The following FBXL17 variants were observed in gnomAD, a reference collection of about 807,000 sequenced individuals.
FBXL17 encodes F-box and leucine rich repeat protein 17.
FBXL17 carries 22 observed loss-of-function variants against 66.2 expected under a neutral mutation model. That is an observed-to-expected ratio of 0.33 (90% CI 0.24 to 0.47). The LOEUF is 0.47. Ranked by LOEUF, FBXL17 falls within the 20% of genes least tolerant of loss-of-function variation. The pLI is 1.00. For missense variants in FBXL17, 878 were observed against 948.2 expected, an observed-to-expected ratio of 0.93 and a Z score of 0.97; for synonymous variants, 474 against 400.5, an observed-to-expected ratio of 1.18 and a Z score of -2.19.
chr5:108,085,986 T>C lies in FBXL17; in HGVS notation c.1746-64985A>G, dbSNP rs573443804. ...GCCTTAGAAGCAAGGTCTTTCTGAC[T>C]TTCTTCCCTTCTCATATCCCCTGCC... On this transcript the variant is annotated intron_variant, in intron 6 of 8. Transcript: ENST00000542267. Among the ~76,000 whole-genome samples the C allele has an allele frequency of 2.2e-4, 33 of 152,228 alleles. No homozygotes were observed. In the South Asian group the frequency reaches 6.7e-3, roughly 31 times the overall value.
intron 4 of FBXL17, among the ~76,000 whole-genome samples, chr5:108,244,334 T>C (rs571390005): frequency 6.6e-6 from 1 of 152,286 alleles, no homozygotes; most frequent in African/African-American, 2.4e-5. Context: ...AAAGGAAATT[T>C]AAGTTTATAT....
intron 4 of FBXL17, among the ~76,000 whole-genome samples, chr5:108,288,195 T>C (rs1757973472): frequency 6.6e-6 from 1 of 151,756 alleles, no homozygotes; most frequent in African/African-American, 2.4e-5. Flanking sequence ...CAAAATATTC[T>C]GTACAGCAAA....
intron 7 of FBXL17, among the ~76,000 whole-genome samples, chr5:107,977,504 G>A (rs553483340): frequency 2.6e-5 from 4 of 152,188 alleles, no homozygotes; most frequent in Non-Finnish European, 5.9e-5. Context: ...ATTGTCAGAG[G>A]CAAGACTGTT....
intron 7 of FBXL17, among the ~76,000 whole-genome samples, chr5:107,938,395 T>C (rs571636215): frequency 2.9e-4 from 44 of 152,238 alleles, no homozygotes; most frequent in African/African-American, 1.0e-3. Context: ...AACATGGTTC[T>C]AGGCATCAAA....
intron 4 of FBXL17, among the ~76,000 whole-genome samples, chr5:108,322,638 G>T (rs1003312089): frequency 2.0e-5 from 3 of 151,764 alleles, no homozygotes; most frequent in Non-Finnish European, 4.4e-5. Flanking sequence ...GAACCACAAC[G>T]CTTTCTACAA....
intron 7 of FBXL17, among the ~76,000 whole-genome samples, chr5:107,901,534 G>A (rs967984529): frequency 6.6e-6 from 1 of 152,160 alleles, no homozygotes; most frequent in Non-Finnish European, 1.5e-5. Flanking sequence ...ACGGGCCCAT[G>A]TAGGTAAAGG....
intron 7 of FBXL17, among the ~76,000 whole-genome samples, chr5:107,932,055 T>C (rs1228292686): frequency 1.3e-5 from 2 of 152,184 alleles, no homozygotes; most frequent in Non-Finnish European, 2.9e-5. Context: ...TTTTAACAAG[T>C]TCTGCAGACG....
chr5:108,042,629 T>C (rs761777921), intron 6 of FBXL17, among the ~76,000 whole-genome samples: 4 of 152,250 alleles, frequency 2.6e-5, no homozygotes, highest in Admixed American at 6.5e-5. Context: ...TTCCATGATA[T>C]GCACATACCA....
intron 7 of FBXL17, among the ~76,000 whole-genome samples, chr5:107,997,770 G>C (rs543501615): frequency 1.3e-5 from 2 of 152,288 alleles, no homozygotes; most frequent in South Asian, 4.1e-4. Flanking sequence ...GGATGAGGTA[G>C]GAGGTGAACT....
At chr5:108,278,821 T>A (rs910398874) in intron 4 of FBXL17, among the ~76,000 whole-genome samples, 1 of 152,206 alleles carries the variant, frequency 6.6e-6, no homozygotes, top group Non-Finnish European at 1.5e-5. Flanking sequence ...CCATCACAGC[T>A]GGTGCATGCA....
intron 8 of FBXL17, among the ~76,000 whole-genome samples, chr5:107,868,286 C>G (rs1041281919): frequency 1.2e-4 from 18 of 152,174 alleles, no homozygotes; most frequent in Non-Finnish European, 2.4e-4. Flanking sequence ...AAAATGTTTA[C>G]TGACATTCGT....
At chr5:108,178,377 G>A (rs568812647) in intron 6 of FBXL17, among the ~76,000 whole-genome samples, 3 of 151,968 alleles carry the variant, frequency 2.0e-5, no homozygotes, top group Non-Finnish European at 2.9e-5. Context: ...TTGGAAGCCC[G>A]GAATAATAGT....
chr5:108,237,219 C>A (rs187219839), intron 4 of FBXL17, among the ~76,000 whole-genome samples: 84 of 152,248 alleles, frequency 5.5e-4, no homozygotes, highest in African/African-American at 2.0e-3. Context: ...CCCTTTAATT[C>A]AACAAATATA....
intron 7 of FBXL17, among the ~76,000 whole-genome samples, chr5:107,902,324 G>A (rs1345691316): frequency 6.6e-6 from 1 of 152,172 alleles, no homozygotes; most frequent in Non-Finnish European, 1.5e-5. Context: ...GAAAGGACAA[G>A]AGATTTCTCT....
At chr5:108,272,438 C>T (rs764438109) in intron 4 of FBXL17, among the ~76,000 whole-genome samples, 3 of 151,734 alleles carry the variant, frequency 2.0e-5, no homozygotes, top group Non-Finnish European at 2.9e-5. Flanking sequence ...ACTGTAGCCA[C>T]CACCTTCCAG....
At chr5:107,874,801 T>C (rs1323997137) in intron 8 of FBXL17, among the ~76,000 whole-genome samples, 1 of 152,184 alleles carries the variant, frequency 6.6e-6, no homozygotes, top group Non-Finnish European at 1.5e-5. Context: ...CTGTTTCAAT[T>C]ACCAGGAATA....
chr5:108,243,915 A>C (rs1231374564), intron 4 of FBXL17, among the ~76,000 whole-genome samples: 1 of 152,176 alleles, frequency 6.6e-6, no homozygotes, highest in Non-Finnish European at 1.5e-5. Context: ...ACATATAAAG[A>C]ACAGTGGAAG....
intron 6 of FBXL17, among the ~76,000 whole-genome samples, chr5:108,089,504 T>G (rs979711647): frequency 6.6e-6 from 1 of 152,202 alleles, no homozygotes; most frequent in Admixed American, 6.5e-5. Context: ...CTTAAATCTC[T>G]TCTTAATCTC....
At position 108,116,807 on chromosome 5, in the gene FBXL17, C is replaced by T. The variant is rs1750277159; in HGVS notation, c.1745+69310G>A. Among the ~76,000 whole-genome samples, 3 of 152,030 alleles carry T rather than the reference C, an allele frequency of 2.0e-5. No homozygotes were observed. The South Asian group carries it at 6.2e-4, about 32-fold the overall frequency. ...ATAGATCCATCCTGGGATTAACACC[C>T]AGGTATTTAATTCCCAATCTGGCCA... On this transcript the variant is annotated intron_variant, in intron 6 of 8. Coordinates refer to ENST00000542267, the MANE Select transcript of FBXL17 (RefSeq NM_001163315.3).
Sources: gnomAD v4.1 joint callset for allele counts (sites outside exome capture counted in the v4.1 genomes callset) on GRCh38, gnomAD v4.1.1 for gene constraint, MANE v1.5 for transcripts, NCBI Gene and HGNC (gene_info 2026-07-23, HGNC 2026-07-21) for gene names.